Variants in SLC4A5 observed in about 807,000 individuals in gnomAD.
SLC4A5 encodes solute carrier family 4 member 5.
In SLC4A5, 96 loss-of-function variants were observed where a neutral mutation model predicts 120.4. The ratio of observed to expected loss-of-function variants is 0.80; its 90% CI spans 0.68 to 0.94. The LOEUF is 0.94. Among genes scored for constraint, SLC4A5 ranks in the 40% least tolerant of loss-of-function variants. The pLI, the probability that SLC4A5 is intolerant of heterozygous loss-of-function variation, is 0.00. For synonymous variants in SLC4A5, 550 were observed against 571.1 expected (o/e 0.96, Z 0.53); for missense variants, 1,259 against 1,459.5 (o/e 0.86, Z 2.24).
At chr2:74,224,383 G>A (rs1017868013) in intron 28 of SLC4A5, among the ~76,000 whole-genome samples, 4 of 152,138 alleles carry the variant, frequency 2.6e-5, no homozygotes, top group African/African-American at 4.8e-5. Context: ...AGGCAAAGGC[G>A]CAAGCAAAAC....
At chr2:74,275,672 T>C (rs1012209333) in intron 8 of SLC4A5, among the ~76,000 whole-genome samples, 20 of 152,242 alleles carry the variant, frequency 1.3e-4, no homozygotes, top group African/African-American at 4.6e-4. Flanking sequence ...TCACACTTTT[T>C]ATCATTTATC....
exon 27 of SLC4A5, chr2:74,227,083 C>T (rs138762029): frequency 2.0e-4 from 328 of 1,614,022 alleles, no homozygotes; most frequent in African/African-American, 4.8e-4. Flanking sequence ...AGGCATGGTC[C>T]GGCTGGTGCT....
chr2:74,227,211 G>C (rs974189104), intron 26 of SLC4A5, 81 bp from the exon 27 acceptor site: 2 of 1,458,692 alleles, frequency 1.4e-6, no homozygotes, highest in Admixed American at 2.3e-5. Context: ...AGGGGTGCCT[G>C]GGTGGGGTCT....
At chr2:74,329,192 T>C (rs1397585758) in intron 4 of SLC4A5, among the ~76,000 whole-genome samples, 1 of 152,204 alleles carries the variant, frequency 6.6e-6, no homozygotes, top group Admixed American at 6.5e-5. Flanking sequence ...GTGTAAAGTG[T>C]AGGTGAAGTT....
At chr2:74,335,034 C>T (rs977378600) in intron 3 of SLC4A5, among the ~76,000 whole-genome samples, 3 of 152,128 alleles carry the variant, frequency 2.0e-5, no homozygotes, top group African/African-American at 4.8e-5. Flanking sequence ...TCTCTGCTGC[C>T]CTCTGGAGGT....
chr2:74,324,945 C>T (rs1022467678), intron 5 of SLC4A5, among the ~76,000 whole-genome samples: 3 of 152,210 alleles, frequency 2.0e-5, no homozygotes, highest in African/African-American at 4.8e-5. Context: ...ACTATTTTGC[C>T]TGTCACATGG....
At chr2:74,221,723 G>A (rs1263223290) in intron 29 of SLC4A5, among the ~76,000 whole-genome samples, 1 of 152,120 alleles carries the variant, frequency 6.6e-6, no homozygotes, top group Non-Finnish European at 1.5e-5. Context: ...GAGGGCCAGG[G>A]AAGAGAGAAA....
At chr2:74,295,126 A>AGTGT (rs1335632786) in intron 7 of SLC4A5, among the ~76,000 whole-genome samples, 3 of 150,956 alleles carry the variant, frequency 2.0e-5, no homozygotes, top group African/African-American at 7.3e-5. Context: ...GAGTGGAGTG[A>AGTGT]GTGTGTGTGT....
chr2:74,259,477 C>A (rs1401545864), intron 12 of SLC4A5, 111 bp downstream of exon 12: 1 of 1,248,530 alleles, frequency 8.0e-7, no homozygotes, highest in East Asian at 2.3e-5. Flanking sequence ...CCTGGAACTC[C>A]CACTCCTTTG....
At chr2:74,252,648 A>ATGAT (rs1670829102) in intron 15 of SLC4A5, among the ~76,000 whole-genome samples, 1 of 152,074 alleles carries the variant, frequency 6.6e-6, no homozygotes, top group Non-Finnish European at 1.5e-5. Flanking sequence ...GTACAGTGGC[A>ATGAT]TGATCACAGC....
At chr2:74,257,446 G>A (rs571341634) in intron 12 of SLC4A5, among the ~76,000 whole-genome samples, 3 of 152,122 alleles carry the variant, frequency 2.0e-5, no homozygotes, top group South Asian at 2.1e-4. Flanking sequence ...GGCAGCCACC[G>A]TCTCCGAGCA....
chr2:74,233,251 T>G, intron 23 of SLC4A5, 151 bp downstream of exon 23: 1 of 929,310 alleles, frequency 1.1e-6, no homozygotes, highest in East Asian at 2.6e-5. Flanking sequence ...GAGGTCACAT[T>G]TCCCCCTCAA....
intron 8 of SLC4A5, among the ~76,000 whole-genome samples, chr2:74,280,976 T>G (rs540912848): frequency 2.3e-4 from 35 of 152,310 alleles, no homozygotes; most frequent in African/African-American, 8.2e-4. Flanking sequence ...CATGAGCCAC[T>G]GTGCCTGGAC....
intron 3 of SLC4A5, among the ~76,000 whole-genome samples, 191 bp from the exon 4 acceptor site, chr2:74,334,368 A>G (rs1673434637): frequency 7.9e-5 from 12 of 152,052 alleles, no homozygotes; most frequent in Admixed American, 7.9e-4. Context: ...TGTTCCTCTA[A>G]CACCCCAGGC....
At chr2:74,299,709 CA>C (rs1672423372) in intron 7 of SLC4A5, among the ~76,000 whole-genome samples, 1 of 152,084 alleles carries the variant, frequency 6.6e-6, no homozygotes. Context: ...CTACAAAAAG[CA>C]AAAGATAACT....
intron 22 of SLC4A5, among the ~76,000 whole-genome samples, chr2:74,234,484 G>A (rs1670206684): frequency 6.6e-6 from 1 of 152,180 alleles, no homozygotes; most frequent in South Asian, 2.1e-4. Context: ...GCCGGTTGGT[G>A]CTCTTATGAG....
At chr2:74,260,258 G>C (rs1019912433) in intron 11 of SLC4A5, among the ~76,000 whole-genome samples, 3 of 152,112 alleles carry the variant, frequency 2.0e-5, no homozygotes, top group Non-Finnish European at 4.4e-5. Flanking sequence ...TCGTGTCTCG[G>C]CTATTGGCCT....
intron 7 of SLC4A5, among the ~76,000 whole-genome samples, chr2:74,294,680 ATTT>A (rs11326076): frequency 1.4e-5 from 2 of 140,118 alleles, no homozygotes; most frequent in South Asian, 2.3e-4. Context: ...AGTTTTTTGG[ATTT>A]TTTTTTTTTT....
At chr2:74,239,776 G>A (rs1670378747) in intron 20 of SLC4A5, among the ~76,000 whole-genome samples, 1 of 152,192 alleles carries the variant, frequency 6.6e-6, no homozygotes, top group African/African-American at 2.4e-5. Context: ...TAGCAAGTAG[G>A]AAAAGTGCAG....
Sources: gnomAD v4.1 joint callset for allele counts (sites outside exome capture counted in the v4.1 genomes callset) on GRCh38, gnomAD v4.1.1 for gene constraint, MANE v1.5 for transcripts, NCBI Gene and HGNC (gene_info 2026-07-23, HGNC 2026-07-21) for gene names.